Variants in WNT3 observed in about 807,000 individuals in gnomAD.
WNT3 encodes Wnt family member 3, also known as proto-oncogene Wnt-3.
In WNT3, 7 loss-of-function variants were observed where a neutral mutation model predicts 34.2. The ratio of observed to expected loss-of-function variants is 0.20; its 90% CI spans 0.12 to 0.38. The LOEUF (loss-of-function observed/expected upper bound fraction) is 0.38. Ranked by LOEUF, WNT3 falls within the 10% of genes least tolerant of loss-of-function variation. WNT3 has a pLI of 1.00. For missense variants in WNT3, 267 were observed against 499.8 expected (o/e 0.53, Z 4.44); for synonymous variants, 212 against 211.5 (o/e 1.00, Z -0.02).
chr17:46,777,773 C>T (rs2059424051), intron 1 of WNT3, among the ~76,000 whole-genome samples: 1 of 152,232 alleles, frequency 6.6e-6, no homozygotes, highest in African/African-American at 2.4e-5. Context: ...GCGACTTATG[C>T]AAGGAAGTGG....
rs1433504205 is a variant in WNT3 at position 46,763,156 on chromosome 17, T to TA, written c.*1473dup. On this transcript the variant is annotated 3_prime_UTR_variant, in exon 5 of 5. Transcript: ENST00000225512. ...CCTGGTATTTTAGGTCAGGGTTAGG[T>TA]AGACCCCAGAGAGAAGGGGGAGAAA... The TA allele has an allele frequency of 1.3e-5, 2 of 152,200 alleles. No individual in the cohort carries two copies. The highest frequency in any genetic ancestry group is 1.3e-4 in the Admixed American group (2 of 15,286). 9.4% of individuals were successfully genotyped at this position (152,200 alleles called of 1,614,324 possible). A position where few individuals can be genotyped will look rare whatever the true frequency, so the allele number is the denominator to read the frequency against.
intron 1 of WNT3, among the ~76,000 whole-genome samples, chr17:46,779,103 A>ACACACACACACACACACACACACCCCC (rs749719578): frequency 1.5e-5 from 2 of 133,590 alleles, no homozygotes; most frequent in Admixed American, 7.8e-5. Flanking sequence ...ACACACACAC[A>ACACACACACACACACACACACACCCCC]CCCCAGCCCA....
intron 1 of WNT3, among the ~76,000 whole-genome samples, chr17:46,811,647 G>C (rs2084277136): frequency 6.6e-6 from 1 of 152,128 alleles, no homozygotes; most frequent in Admixed American, 6.5e-5. Context: ...GCGTGGAGTT[G>C]CCTCTCAGAA....
intron 2 of WNT3, among the ~76,000 whole-genome samples, chr17:46,772,464 A>C (rs1479659671): frequency 6.6e-6 from 1 of 152,218 alleles, no homozygotes; most frequent in African/African-American, 2.4e-5. Context: ...TGTTTGATTC[A>C]GCGCTACCTG....
intron 2 of WNT3, among the ~76,000 whole-genome samples, chr17:46,772,578 T>A (rs941594184): frequency 6.6e-6 from 1 of 152,236 alleles, no homozygotes; most frequent in African/African-American, 2.4e-5. Context: ...GCCAAATCTT[T>A]TATGTCAACA....
Position 46,762,633 on chromosome 17 carries a change from G to C in WNT3, c.*1997C>G, listed in dbSNP as rs2059279162. 6.6e-6 allele frequency: 1 copy of C among 150,824 alleles called. No homozygotes were observed. Among genetic ancestry groups the C allele is most frequent in the Non-Finnish European group, 1.5e-5 (1 of 67,820 alleles). The allele number at this position is 150,824 out of a possible 1,614,324, so 9.3% of individuals were successfully genotyped here. ...TAGTTAACTCAAAGGTATATACATT[G>C]TATAATAAATAATATTTATAAAAAG... On this transcript the variant is annotated 3_prime_UTR_variant, in exon 5 of 5. Transcript: ENST00000225512.
intron 1 of WNT3, among the ~76,000 whole-genome samples, chr17:46,794,407 T>C (rs1262432717): frequency 6.6e-6 from 1 of 152,138 alleles, no homozygotes; most frequent in Non-Finnish European, 1.5e-5. Context: ...CGACAGGACC[T>C]GTCAGAGCTA....
In WNT3 at chr17:46,770,803, C is replaced by T. The variant is rs561060800; in HGVS notation, c.323-755G>A. 4.6e-5 allele frequency among the ~76,000 whole-genome samples: 7 copies of T among 152,346 alleles called. No individual in the cohort carries two copies. The East Asian group carries it at 1.4e-3, about 29-fold the overall frequency. ...ACTCTCAAGGGTGTGCTCCAGCCTC[C>T]TCACAACGGTCATCGTCTCTGCATG... On this transcript the variant is annotated intron_variant, in intron 2 of 4. Transcript: ENST00000225512.
At chr17:46,793,077 C>A (rs1372117992) in intron 1 of WNT3, among the ~76,000 whole-genome samples, 11 of 146,720 alleles carry the variant, frequency 7.5e-5, no homozygotes, top group African/African-American at 2.5e-4. Context: ...CTAGCCTAGC[C>A]GAGAAAGCAA....
chr17:46,813,557 A>G (rs764951121), intron 1 of WNT3, among the ~76,000 whole-genome samples: 34 of 151,654 alleles, frequency 2.2e-4, no homozygotes, highest in Non-Finnish European at 4.3e-4. Context: ...GCAGCTGGAG[A>G]AGGTTTCTGT....
chr17:46,807,053 GAACGAGA>G (rs1403955302), intron 1 of WNT3, among the ~76,000 whole-genome samples: 1 of 152,224 alleles, frequency 6.6e-6, no homozygotes, highest in East Asian at 1.9e-4. Context: ...CATTGGCCAG[GAACGAGA>G]GACAGTCCCT....
Position 46,812,246 on chromosome 17 carries a change from C to T in WNT3, c.80+6272G>A, listed in dbSNP as rs1448082822. 4.6e-5 allele frequency among the ~76,000 whole-genome samples: 7 copies of T among 152,282 alleles called. No homozygotes were observed. In the South Asian group the frequency reaches 1.2e-3, roughly 27 times the overall value. Reference sequence around the variant, plus strand: ...GATAAAGAAGGACCCTGCTTAGAGCCGGGACAGCCAAAGGGACAGGGAGGG... The same window carrying T: ...GATAAAGAAGGACCCTGCTTAGAGCTGGGACAGCCAAAGGGACAGGGAGGG... On this transcript the variant is annotated intron_variant, in intron 1 of 4. Coordinates refer to ENST00000225512, the MANE Select transcript of WNT3 (RefSeq NM_030753.5).
chr17:46,794,873 T>C (rs530369100), intron 1 of WNT3, among the ~76,000 whole-genome samples: 1 of 151,710 alleles, frequency 6.6e-6, no homozygotes, highest in Non-Finnish European at 1.5e-5. Context: ...GCCTCAGCCT[T>C]CCGAGTAGCT....
chr17:46,767,521 A>G (rs552859316), intron 4 of WNT3, among the ~76,000 whole-genome samples: 8 of 152,086 alleles, frequency 5.3e-5, no homozygotes, highest in Non-Finnish European at 1.2e-4. Flanking sequence ...TGAGGTATTT[A>G]AACTGCCCCC....
chr17:46,810,260 G>A lies in WNT3; in HGVS notation c.80+8258C>T, dbSNP rs142783839. ...TGACCTCAGGTGATCCACCCGCCTC[G>A]GCCTCCCAAAGTGCTGGGATTACAG... On this transcript the variant is annotated intron_variant, in intron 1 of 4. Coordinates refer to ENST00000225512, the MANE Select transcript of WNT3 (RefSeq NM_030753.5). Among the ~76,000 whole-genome samples, 800 of 151,996 alleles carry A rather than the reference G, an allele frequency of 5.3e-3. 5 individuals are homozygous for A. Among genetic ancestry groups the A allele is most frequent in the African/African-American group, 0.018 (741 of 41,448 alleles).
intron 1 of WNT3, among the ~76,000 whole-genome samples, chr17:46,793,741 C>G (rs187118264): frequency 1.3e-5 from 2 of 152,200 alleles, no homozygotes; most frequent in African/African-American, 4.8e-5. Context: ...AGATGACACA[C>G]GTTCCCAGCA....
intron 1 of WNT3, among the ~76,000 whole-genome samples, chr17:46,792,545 T>C (rs1479605124): frequency 6.6e-6 from 1 of 152,108 alleles, no homozygotes; most frequent in African/African-American, 2.4e-5. Flanking sequence ...GCCGTGTTGG[T>C]TTACTGCAAC....
At chr17:46,775,674 C>G (rs150575742) in intron 1 of WNT3, among the ~76,000 whole-genome samples, 1 of 143,654 alleles carries the variant, frequency 7.0e-6, no homozygotes, top group African/African-American at 2.7e-5. Flanking sequence ...AATGCAGTGA[C>G]GTGATCTCGG....
At chr17:46,810,591 T>C (rs1276823679) in intron 1 of WNT3, among the ~76,000 whole-genome samples, 1 of 152,126 alleles carries the variant, frequency 6.6e-6, no homozygotes, top group African/African-American at 2.4e-5. Flanking sequence ...ATGAGAAAAC[T>C]GAGGGAGGGA....
Sources: allele counts gnomAD v4.1 joint callset (sites outside exome capture counted in the v4.1 genomes callset), GRCh38; gene constraint gnomAD v4.1.1; transcripts MANE v1.5; gene names NCBI Gene and HGNC (gene_info 2026-07-23, HGNC 2026-07-21).